FAM219A: variants seen among roughly 807,000 people sequenced by gnomAD.
FAM219A encodes protein FAM219A.
A neutral mutation model predicts 23.4 loss-of-function variants in FAM219A; 7 were observed. The observed-to-expected ratio is 0.30, with a 90% CI of 0.17 to 0.56. The LOEUF is 0.56. Ranked by LOEUF, FAM219A falls within the 20% of genes least tolerant of loss-of-function variation. FAM219A has a pLI of 0.92. For missense variants in FAM219A, 166 were observed against 246.9 expected (o/e 0.67, Z 2.20); for synonymous variants, 93 against 99.0 (o/e 0.94, Z 0.36).
chr9:34,402,478 A>G lies in FAM219A; in HGVS notation c.264-11T>C. 6.2e-7 allele frequency: 1 copy of G among 1,613,996 alleles called. No homozygotes were observed. The highest frequency in any genetic ancestry group is 8.5e-7 in the Non-Finnish European group (1 of 1,179,960). On this transcript the variant is annotated splice_polypyrimidine_tract_variant and intron_variant, in intron 3 of 5. Transcript: ENST00000651358. The stretch of plus-strand genomic sequence containing the variant: ...TTGGGGACGACCAGCCTAGGTGAAG[A>G]ATTTCGGGAGTTAGAGTGGCAAAGT...
intron 1 of FAM219A, among the ~76,000 whole-genome samples, chr9:34,443,158 C>A (rs911824323): frequency 4.6e-5 from 7 of 152,142 alleles, no homozygotes; most frequent in African/African-American, 1.7e-4. Context: ...TCTGCCTCCT[C>A]TAGCCCACTG....
At chr9:34,402,556 T>TTCCC in intron 3 of FAM219A, 89 bp from the exon 4 acceptor site, 1 of 1,576,442 alleles carries the variant, frequency 6.3e-7, no homozygotes, top group Non-Finnish European at 8.6e-7. Flanking sequence ...CACCACTTTC[T>TTCCC]TCCCTCCCTC....
intron 1 of FAM219A, among the ~76,000 whole-genome samples, chr9:34,420,480 G>A (rs2131961751): frequency 6.6e-6 from 1 of 152,314 alleles, no homozygotes; most frequent in East Asian, 1.9e-4. Context: ...CGTTGCTGCT[G>A]ATGTAGTTCC....
chr9:34,403,163 T>A (rs1821514568), intron 2 of FAM219A, among the ~76,000 whole-genome samples: 2 of 152,070 alleles, frequency 1.3e-5, no homozygotes, highest in South Asian at 4.1e-4. Context: ...CACCATGACC[T>A]GGAGAGAGGT....
chr9:34,428,914 G>T (rs1822589222), intron 1 of FAM219A, among the ~76,000 whole-genome samples: 1 of 152,224 alleles, frequency 6.6e-6, no homozygotes, highest in African/African-American at 2.4e-5. Flanking sequence ...CAAGAGAGAG[G>T]CCAAGCTGAG....
At chr9:34,446,101 A>G (rs1823359369) in intron 1 of FAM219A, among the ~76,000 whole-genome samples, 1 of 149,730 alleles carries the variant, frequency 6.7e-6, no homozygotes, top group Admixed American at 6.7e-5. Flanking sequence ...TGAACCTGGG[A>G]GGCAGAGGCT....
intron 1 of FAM219A, among the ~76,000 whole-genome samples, chr9:34,444,587 A>G (rs563912807): frequency 3.3e-5 from 5 of 152,314 alleles, no homozygotes; most frequent in African/African-American, 1.2e-4. Context: ...TTCTTACATT[A>G]TTCTACGTCC....
At chr9:34,405,787 T>G in intron 2 of FAM219A, 78 bp downstream of exon 2, 1 of 1,385,806 alleles carries the variant, frequency 7.2e-7, no homozygotes. Context: ...CTGGTTTATT[T>G]GTGGCACCTC....
chr9:34,443,999 A>G (rs1823279880), intron 1 of FAM219A, among the ~76,000 whole-genome samples: 1 of 152,194 alleles, frequency 6.6e-6, no homozygotes, highest in African/African-American at 2.4e-5. Context: ...CTGACTCCAC[A>G]TAATTCTCCC....
At chr9:34,438,378 C>A (rs185722694) in intron 1 of FAM219A, among the ~76,000 whole-genome samples, 1 of 152,202 alleles carries the variant, frequency 6.6e-6, no homozygotes, top group African/African-American at 2.4e-5. Flanking sequence ...AGCACCGGTG[C>A]GGGATCCACT....
rs553801879 is a variant in FAM219A, at chr9:34,401,153, G to A, written c.400-31C>T. ...GGCAAAGGGGAGGGAGGTCAGGCCCGAGCGGCAGGGAGGCACCACCCACAG... is the reference window on the plus strand; with the variant it reads ...GGCAAAGGGGAGGGAGGTCAGGCCCAAGCGGCAGGGAGGCACCACCCACAG... On this transcript the variant is annotated intron_variant, in intron 5 of 5. Coordinates refer to ENST00000651358, the MANE Select transcript of FAM219A (RefSeq NM_001184940.2). 1.1e-5 allele frequency: 18 copies of A among 1,606,326 alleles called. No homozygotes were observed. In the Admixed American group the frequency reaches 2.2e-4, roughly 20 times the overall value.
chr9:34,412,438 A>T (rs1278163307), intron 1 of FAM219A, among the ~76,000 whole-genome samples: 1 of 152,248 alleles, frequency 6.6e-6, no homozygotes, highest in Non-Finnish European at 1.5e-5. Context: ...AGGAAAAATC[A>T]GATGAGTTCA....
In FAM219A at chr9:34,405,848, C is replaced by T. The variant is rs1242315720; in HGVS notation, c.160+17G>A. 2 of 1,612,844 alleles carry T rather than the reference C, an allele frequency of 1.2e-6. No individual in the cohort carries two copies. Among genetic ancestry groups the T allele is most frequent in the South Asian group, 1.1e-5 (1 of 90,992 alleles). On this transcript the variant is annotated intron_variant, in intron 2 of 5. Coordinates refer to ENST00000651358, the MANE Select transcript of FAM219A (RefSeq NM_001184940.2). The stretch of plus-strand genomic sequence containing the variant: ...TGCCTACTCCCCACATCTCCCTCAC[C>T]CCCCAGACACACTCACCCAGCTTCA...
chr9:34,400,638 C>T lies in FAM219A; in HGVS notation c.*326G>A. 4.3e-6 allele frequency: 1 copy of T among 232,384 alleles called. No homozygotes were observed. The highest frequency in any genetic ancestry group is 8.3e-6 in the Non-Finnish European group (1 of 119,932). The allele number at this position is 232,384 out of a possible 1,614,324, so 14.4% of individuals were successfully genotyped here. ...TGATCCCCCCACTCGTTAATGTTGA[C>T]CTCCCTGCCGTCCAGTCTTCTCTCT... On this transcript the variant is annotated 3_prime_UTR_variant, in exon 6 of 6. Transcript: ENST00000651358.
chr9:34,438,360 C>A (rs974951219), intron 1 of FAM219A, among the ~76,000 whole-genome samples: 2 of 152,254 alleles, frequency 1.3e-5, no homozygotes, highest in African/African-American at 2.4e-5. Context: ...GCAGGCAGCT[C>A]CACCTGCAGC....
chr9:34,412,244 A>G (rs990634576), intron 1 of FAM219A, among the ~76,000 whole-genome samples: 1 of 152,228 alleles, frequency 6.6e-6, no homozygotes, highest in African/African-American at 2.4e-5. Context: ...TGAACCAAGC[A>G]GCAGCAGAAG....
chr9:34,398,428 C>A lies in FAM219A; in HGVS notation c.*2536G>T. Reference sequence around the variant, plus strand: ...AGGGTGGCAGGAGGGCAAGCTAAGGCCTAGATTCTTCCCTCCAACCTCCCA... The same window carrying A: ...AGGGTGGCAGGAGGGCAAGCTAAGGACTAGATTCTTCCCTCCAACCTCCCA... On this transcript the variant is annotated 3_prime_UTR_variant, in exon 6 of 6. Coordinates refer to ENST00000651358, the MANE Select transcript of FAM219A (RefSeq NM_001184940.2). 2 of 1,514,792 alleles carry A rather than the reference C, an allele frequency of 1.3e-6. No homozygotes were observed. The highest frequency in any genetic ancestry group is 1.4e-5 in the African/African-American group (1 of 72,456). 93.8% of individuals were successfully genotyped at this position (1,514,792 alleles called of 1,614,324 possible).
chr9:34,421,029 A>AGAGAGAGAGAGAGAGG, intron 1 of FAM219A, among the ~76,000 whole-genome samples: 1 of 148,520 alleles, frequency 6.7e-6, no homozygotes, highest in Non-Finnish European at 1.5e-5. Flanking sequence ...AGAGAGAGAG[A>AGAGAGAGAGAGAGAGG]GAGAGAGAGA....
In FAM219A at chr9:34,458,350, G is replaced by T; in HGVS notation, c.-87C>A. ...GGGGCGGCGGCCCCAGGAGCCCGGCGGGTGGTGCAGACTAGGCCTCCCCGG... is the reference window on the plus strand; with the variant it reads ...GGGGCGGCGGCCCCAGGAGCCCGGCTGGTGGTGCAGACTAGGCCTCCCCGG... On this transcript the variant is annotated 5_prime_UTR_variant, in exon 1 of 6. Transcript: ENST00000651358. The surrounding 1 kb of genome is among the most constrained non-coding windows in gnomAD (Gnocchi z 6.6). 2 of 1,034,348 alleles carry T rather than the reference G, an allele frequency of 1.9e-6. No individual in the cohort carries two copies. The highest frequency in any genetic ancestry group is 2.4e-6 in the Non-Finnish European group (2 of 821,170). 64.1% of individuals were successfully genotyped at this position (1,034,348 alleles called of 1,614,324 possible). A position where few individuals can be genotyped will look rare whatever the true frequency, so the allele number is the denominator to read the frequency against.
Sources: gnomAD v4.1 joint callset for allele counts (sites outside exome capture counted in the v4.1 genomes callset) on GRCh38, gnomAD v4.1.1 for gene constraint, Gnocchi (gnomAD v3.1) non-coding constraint, MANE v1.5 for transcripts, NCBI Gene and HGNC (gene_info 2026-07-23, HGNC 2026-07-21) for gene names.